PLEKHG5: variants seen among roughly 807,000 people sequenced by gnomAD.
PLEKHG5 encodes the protein pleckstrin homology domain-containing family G member 5.
PLEKHG5 carries 52 observed loss-of-function variants against 103.8 expected under a neutral mutation model. The ratio of observed to expected loss-of-function variants is 0.50; its 90% CI spans 0.40 to 0.63. The LOEUF is 0.63. Among genes scored for constraint, PLEKHG5 ranks in the 30% least tolerant of loss-of-function variants. The pLI is 0.00. For synonymous variants in PLEKHG5, 592 were observed against 575.5 expected (o/e 1.03, Z -0.41); for missense variants, 1,205 against 1,347.6 (o/e 0.89, Z 1.66).
At chr1:6,475,800 A>G in intron 3 of PLEKHG5, 131 bp downstream of exon 3, 1 of 861,582 alleles carries the variant, frequency 1.2e-6, no homozygotes, top group Non-Finnish European at 1.9e-6. Flanking sequence ...GGACAGCCAC[A>G]GGCGTGGGAA....
chr1:6,482,015 G>T (rs1351336732), intron 1 of PLEKHG5, among the ~76,000 whole-genome samples: 2 of 151,792 alleles, frequency 1.3e-5, no homozygotes, highest in Non-Finnish European at 2.9e-5. Context: ...CTGGCCTCCT[G>T]GTCGTTCCGG....
chr1:6,470,104 G>A, intron 16 of PLEKHG5, 132 bp downstream of exon 16: 5 of 1,033,394 alleles, frequency 4.8e-6, no homozygotes, highest in Non-Finnish European at 7.2e-6. Flanking sequence ...GCAGAGAACT[G>A]TCATTCACTA....
In PLEKHG5 at chr1:6,467,911, C is replaced by T. The variant is rs533669367; in HGVS notation, c.2925G>A (p.Gly975=). 7 of 1,603,076 alleles carry T rather than the reference C, an allele frequency of 4.4e-6. No homozygotes were observed. In the African/African-American group the frequency reaches 9.4e-5, roughly 21 times the overall value. The part of the protein sequence containing the change: ...SPRVQPEPPP[G]VSAQHRKLTL... ...TCAGCTTCCTGTGCTGGGCAGAGACCCCTGGTGGGGGCTCAGGCTGGACCC... is the reference window on the plus strand; with the variant it reads ...TCAGCTTCCTGTGCTGGGCAGAGACTCCTGGTGGGGGCTCAGGCTGGACCC... Residue 975 remains glycine (G), a synonymous_variant, in exon 20 of 21, where the codon GGG becomes GGA. Transcript: ENST00000377728.
chr1:6,482,454 G>C (rs1644927946), intron 1 of PLEKHG5, among the ~76,000 whole-genome samples: 1 of 152,240 alleles, frequency 6.6e-6, no homozygotes, highest in Admixed American at 6.5e-5. Flanking sequence ...AAAGTGACAG[G>C]AGGGAGGAGG....
At chr1:6,471,705 C>T in intron 11 of PLEKHG5, 53 bp downstream of exon 11, 1 of 1,585,686 alleles carries the variant, frequency 6.3e-7, no homozygotes, top group Non-Finnish European at 8.6e-7. Context: ...AGGTCCAGGT[C>T]CCGCCCTCCT....
chr1:6,516,872 A>G (rs552349303), intron 1 of PLEKHG5, among the ~76,000 whole-genome samples: 5,874 of 28,942 alleles, frequency 0.2, 177 homozygotes, highest in Admixed American at 0.27. Context: ...ATGTGTATAT[A>G]TATATATATA....
Position 6,467,972 on chromosome 1 carries a change from T to A in PLEKHG5, c.2864A>T (p.Lys955Met). Residue 955 changes from lysine to methionine, a missense_variant, in exon 20 of 21, where the codon AAG becomes ATG. Physicochemically the swap from Lys to Met is moderately conservative, Grantham distance 95 (BLOSUM62 -1). Coordinates refer to ENST00000377728, the MANE Select transcript of PLEKHG5 (RefSeq NM_020631.6). ...CCCCGAGGGCAGGTCTCCACACCTC[T>A]TCCTGTGGGAGCCTGCAGGTTCCCC... Reference protein sequence around the residue: ...LAGEPAGSHRKRCGDLPSGAS... With the variant: ...LAGEPAGSHRMRCGDLPSGAS... 1 of 1,561,496 alleles carries A rather than the reference T, an allele frequency of 6.4e-7. No individual in the cohort carries two copies. Among genetic ancestry groups the A allele is most frequent in the Middle Eastern group, 1.8e-4 (1 of 5,578 alleles).
In PLEKHG5 at chr1:6,470,177, G is replaced by T; in HGVS notation, c.1800+59C>A. On this transcript the variant is annotated intron_variant, in intron 16 of 20. Transcript: ENST00000377728. Reference sequence around the variant, plus strand: ...ACTGCAGAGCTGAGAACCAGTGACTGGGGCCCAGGAGGTCCCTAGGAAGGG... The same window carrying T: ...ACTGCAGAGCTGAGAACCAGTGACTTGGGCCCAGGAGGTCCCTAGGAAGGG... 1.9e-6 allele frequency: 3 copies of T among 1,589,998 alleles called. No individual in the cohort carries two copies. The South Asian group carries it at 3.3e-5, about 18-fold the overall frequency.
chr1:6,494,288 G>A (rs183980995), upstream of PLEKHG5, among the ~76,000 whole-genome samples: 371 of 151,412 alleles, frequency 2.5e-3, 5 homozygotes, highest in East Asian at 0.015. Context: ...CCACCACCAT[G>A]CCCAGCTAAT....
At chr1:6,504,355 CT>C (rs1028986731) in intron 1 of PLEKHG5, among the ~76,000 whole-genome samples, 1 of 152,138 alleles carries the variant, frequency 6.6e-6, no homozygotes, top group East Asian at 1.9e-4. Flanking sequence ...TGGGCCGCCC[CT>C]CTCATGTCCT....
At chr1:6,497,247 C>A, upstream of PLEKHG5, 1 of 883,720 alleles carries the variant, frequency 1.1e-6, no homozygotes, top group South Asian at 1.4e-5. The surrounding 1 kb of genome is among the most constrained non-coding windows in gnomAD (Gnocchi z 6.1). Flanking sequence ...GGGCCCTCCC[C>A]GGAGGAGGTT....
At chr1:6,497,385 A>T, upstream of PLEKHG5, 1 of 1,076,572 alleles carries the variant, frequency 9.3e-7, no homozygotes, top group Non-Finnish European at 1.1e-6. This position sits in a 1 kb window ranked among gnomAD's most constrained non-coding sequence, Gnocchi z 6.1. Context: ...GACGCCGGGG[A>T]CTGGGAGGCC....
In PLEKHG5 at chr1:6,469,238, G is replaced by A. The variant is rs772217003; in HGVS notation, c.2053C>T (p.Gln685Ter). The part of the protein sequence containing the change: ...WVDTIYNAQN[Q>*]LQQLRAQEPP... ...TCCTGTGCACGCAGCTGTTGCAGCT[G>A]GTTCTGCAGGCAAGGTTGGGGTACA... The change falls in exon 19 of 21, where the codon CAG becomes TAG. Residue 685 changes from glutamine to a stop codon, truncating the protein, a stop_gained. Transcript: ENST00000377728. LOFTEE classifies it high-confidence loss of function. 9 of 1,613,804 alleles carry A rather than the reference G, an allele frequency of 5.6e-6. No homozygotes were observed. In the Admixed American group the frequency reaches 1.3e-4, roughly 24 times the overall value.
chr1:6,519,643 C>T (rs1472195247), exon 1 of PLEKHG5: 3 of 733,706 alleles, frequency 4.1e-6, no homozygotes, highest in Admixed American at 2.0e-5. Flanking sequence ...AAGGCTTCTC[C>T]CCGACTCAGC....
intron 1 of PLEKHG5, among the ~76,000 whole-genome samples, chr1:6,502,004 A>G (rs1318236446): frequency 6.6e-6 from 1 of 152,176 alleles, no homozygotes; most frequent in African/African-American, 2.4e-5. Context: ...TGCCCCTCTC[A>G]GGAAGCAGCT....
chr1:6,482,086 G>T (rs1419792400), intron 1 of PLEKHG5, among the ~76,000 whole-genome samples: 1 of 152,038 alleles, frequency 6.6e-6, no homozygotes, highest in Non-Finnish European at 1.5e-5. Flanking sequence ...TCCCTGGACT[G>T]AGATGCTTTT....
intron 1 of PLEKHG5, among the ~76,000 whole-genome samples, chr1:6,513,628 C>G (rs1382612969): frequency 1.3e-5 from 2 of 152,198 alleles, no homozygotes; most frequent in African/African-American, 4.8e-5. Flanking sequence ...GGGGCCCTCT[C>G]GAGGGCCAAG....
chr1:6,490,630 T>A lies in PLEKHG5; in HGVS notation c.-88+1007A>T. ...CGGTAGCCGCGCGGGCGCTACCACC[T>A]GGACCGGCCGGGATGTACCAACGGC... On this transcript the variant is annotated intron_variant, in intron 1 of 20. Transcript: ENST00000377728. The surrounding 1 kb of genome is among the most constrained non-coding windows in gnomAD (Gnocchi z 8.0). The A allele has an allele frequency of 1.0e-5, 10 of 984,728 alleles. No individual in the cohort carries two copies. Among genetic ancestry groups the A allele is most frequent in the Non-Finnish European group, 1.2e-5 (10 of 829,384 alleles). The allele number at this position is 984,728 out of a possible 1,614,324, so 61.0% of individuals were successfully genotyped here.
At chr1:6,488,684 G>T (rs754083914) in intron 1 of PLEKHG5, among the ~76,000 whole-genome samples, 1 of 152,052 alleles carries the variant, frequency 6.6e-6, no homozygotes. Context: ...GCCTGGGCAG[G>T]CTCCTGCATT....
Sources: gnomAD v4.1 joint callset for allele counts (sites outside exome capture counted in the v4.1 genomes callset) on GRCh38, gnomAD v4.1.1 for gene constraint, Gnocchi (gnomAD v3.1) non-coding constraint, MANE v1.5 for transcripts, NCBI Gene and HGNC (gene_info 2026-07-23, HGNC 2026-07-21) for gene names.